Variants in GRM8 observed in about 807,000 individuals in gnomAD.
The protein encoded by GRM8 is metabotropic glutamate receptor 8.
Under a neutral mutation model 87.2 loss-of-function variants are expected in GRM8, and 47 were observed. The ratio of observed to expected loss-of-function variants is 0.54; its 90% CI spans 0.43 to 0.69. The LOEUF (loss-of-function observed/expected upper bound fraction) is 0.69. Among genes scored for constraint, GRM8 ranks in the 30% least tolerant of loss-of-function variants. GRM8 has a pLI of 0.00. For synonymous variants in GRM8, 396 were observed against 404.5 expected (o/e 0.98, Z 0.25); for missense variants, 1,019 against 1,139.2 (o/e 0.89, Z 1.52).
In GRM8 at chr7:127,106,532, C is replaced by A. The variant is rs779109567; in HGVS notation, c.691G>T (p.Gly231Cys). The part of the protein sequence containing the change: ...LASEGNYGES[G>C]VEAFTQISRE... The stretch of plus-strand genomic sequence containing the variant: ...GAGATCTGGGTGAAGGCCTCCACAC[C>A]GCTCTCACCATAGTTCCCCTCAGAA... Residue 231 changes from glycine to cysteine, a missense_variant, in exon 3 of 11, where the codon GGT becomes TGT. Transcript: ENST00000339582. The A allele has an allele frequency of 6.2e-7, 1 of 1,613,874 alleles. No individual in the cohort carries two copies. The highest frequency in any genetic ancestry group is 8.5e-7 in the Non-Finnish European group (1 of 1,179,830).
chr7:126,929,887 A>C (rs565005432), intron 3 of GRM8, among the ~76,000 whole-genome samples: 1 of 33,222 alleles, frequency 3.0e-5, no homozygotes, highest in Non-Finnish European at 5.7e-5. Flanking sequence ...ATATAAAGAA[A>C]CTTAAACTTA....
chr7:126,840,783 T>C (rs1796201493), intron 6 of GRM8, among the ~76,000 whole-genome samples: 1 of 152,222 alleles, frequency 6.6e-6, no homozygotes, highest in South Asian at 2.1e-4. Context: ...AATTTAATAA[T>C]TTTCTTTCAT....
intron 2 of GRM8, among the ~76,000 whole-genome samples, chr7:127,171,195 T>A (rs957324821): frequency 6.6e-6 from 1 of 152,186 alleles, no homozygotes; most frequent in Admixed American, 6.5e-5. Context: ...ATTGCTGCAA[T>A]CTCATGATAA....
intron 7 of GRM8, among the ~76,000 whole-genome samples, chr7:126,702,346 T>A (rs2151399486): frequency 6.6e-6 from 1 of 152,120 alleles, no homozygotes; most frequent in Non-Finnish European, 1.5e-5. Context: ...TGTTTCAACC[T>A]CATTTTGCAT....
intron 9 of GRM8, among the ~76,000 whole-genome samples, chr7:126,470,747 A>T (rs1197342535): frequency 6.6e-6 from 1 of 152,136 alleles, no homozygotes; most frequent in Non-Finnish European, 1.5e-5. Flanking sequence ...CTAGTTCTAG[A>T]TCCCTGAGGA....
intron 6 of GRM8, among the ~76,000 whole-genome samples, chr7:126,844,762 C>T (rs1444547192): frequency 1.3e-5 from 2 of 152,166 alleles, no homozygotes; most frequent in African/African-American, 4.8e-5. Flanking sequence ...TTCCTCTGCA[C>T]ATGCATGGAG....
intron 2 of GRM8, among the ~76,000 whole-genome samples, chr7:127,128,599 T>C (rs1013654097): frequency 2.0e-5 from 3 of 152,186 alleles, no homozygotes; most frequent in African/African-American, 7.2e-5. Flanking sequence ...TTATGTATAC[T>C]ATAACTTTTG....
intron 2 of GRM8, among the ~76,000 whole-genome samples, chr7:127,206,434 C>A (rs563512373): frequency 2.6e-5 from 4 of 152,134 alleles, no homozygotes; most frequent in Non-Finnish European, 5.9e-5. Flanking sequence ...CTATCAACTG[C>A]CCTGAGTAGG....
At chr7:126,492,852 C>A (rs1363007383) in intron 9 of GRM8, among the ~76,000 whole-genome samples, 1 of 151,976 alleles carries the variant, frequency 6.6e-6, no homozygotes, top group African/African-American at 2.4e-5. Context: ...GTAACATAAG[C>A]AGAAATCACA....
intron 3 of GRM8, among the ~76,000 whole-genome samples, chr7:127,079,100 T>A (rs557951181): frequency 6.6e-6 from 1 of 152,198 alleles, no homozygotes; most frequent in African/African-American, 2.4e-5. Flanking sequence ...TATATATACA[T>A]GTGGGCTTTG....
At chr7:126,606,697 T>A (rs914598933) in intron 8 of GRM8, among the ~76,000 whole-genome samples, 1 of 152,200 alleles carries the variant, frequency 6.6e-6, no homozygotes, top group East Asian at 1.9e-4. Flanking sequence ...TCCATTTCGG[T>A]AAAACCCGCA....
intron 2 of GRM8, among the ~76,000 whole-genome samples, chr7:127,148,984 G>A (rs1389717439): frequency 6.6e-6 from 1 of 151,924 alleles, no homozygotes; most frequent in Non-Finnish European, 1.5e-5. Context: ...AAAACTTCTA[G>A]AAGAGAAGGA....
chr7:126,896,934 G>C (rs954016507), intron 6 of GRM8, among the ~76,000 whole-genome samples: 1 of 152,278 alleles, frequency 6.6e-6, no homozygotes, highest in East Asian at 1.9e-4. Context: ...AGCTCCTTGA[G>C]AGCAAGGGAG....
chr7:126,830,496 G>A (rs76378647), intron 6 of GRM8, among the ~76,000 whole-genome samples: 8 of 152,018 alleles, frequency 5.3e-5, no homozygotes, highest in African/African-American at 1.4e-4. Flanking sequence ...TGATCTCATC[G>A]GCTCCTGAGG....
At chr7:127,148,456 C>T (rs1342414633) in intron 2 of GRM8, among the ~76,000 whole-genome samples, 1 of 151,562 alleles carries the variant, frequency 6.6e-6, no homozygotes, top group Non-Finnish European at 1.5e-5. Flanking sequence ...ACTTGAATAG[C>T]ACTTTTGACC....
At chr7:126,569,016 T>C (rs569794460) in intron 8 of GRM8, among the ~76,000 whole-genome samples, 1 of 152,278 alleles carries the variant, frequency 6.6e-6, no homozygotes, top group East Asian at 1.9e-4. Flanking sequence ...CCTTTGTCAA[T>C]CACCTGCTAA....
intron 3 of GRM8, among the ~76,000 whole-genome samples, chr7:127,090,001 T>C (rs1005742911): frequency 6.6e-6 from 1 of 152,200 alleles, no homozygotes. Flanking sequence ...GAGTTTTGTT[T>C]CAATGGCATA....
At chr7:127,227,813 G>T (rs971593168) in intron 2 of GRM8, among the ~76,000 whole-genome samples, 1 of 152,324 alleles carries the variant, frequency 6.6e-6, no homozygotes, top group East Asian at 1.9e-4. Context: ...TGGAAGCCAT[G>T]TGATCATTCC....
chr7:127,169,367 C>A (rs1439859736), intron 2 of GRM8, among the ~76,000 whole-genome samples: 1 of 152,172 alleles, frequency 6.6e-6, no homozygotes, highest in Non-Finnish European at 1.5e-5. Flanking sequence ...CTCTTCAATT[C>A]TATGATGGCT....
Sources: gnomAD v4.1 joint callset for allele counts (sites outside exome capture counted in the v4.1 genomes callset) on GRCh38, gnomAD v4.1.1 for gene constraint, MANE v1.5 for transcripts, NCBI Gene and HGNC (gene_info 2026-07-23, HGNC 2026-07-21) for gene names.